The following SMC6 variants were observed in gnomAD, a reference collection of about 807,000 sequenced individuals.
SMC6 encodes structural maintenance of chromosomes 6.
In SMC6, 79 loss-of-function variants were observed where a neutral mutation model predicts 142.2. The ratio of observed to expected loss-of-function variants is 0.56; its 90% confidence interval spans 0.46 to 0.67. The LOEUF (loss-of-function observed/expected upper bound fraction) is 0.67, where lower values mean the gene tolerates loss of function less well. Ranked by LOEUF, SMC6 falls within the 30% of genes least tolerant of loss-of-function variation. The pLI is 0.00. For synonymous variants in SMC6, 411 were observed against 412.4 expected, an observed-to-expected ratio of 1.00 and a Z score of 0.04; for missense variants, 1,072 against 1,284.0, an observed-to-expected ratio of 0.83 and a Z score of 2.52.
chr2:17,726,984 T>A (rs972602811), intron 7 of SMC6, among the ~76,000 whole-genome samples: 1 of 152,222 alleles, frequency 6.6e-6, no homozygotes, highest in African/African-American at 2.4e-5. Flanking sequence ...ACAACAAGTA[T>A]TGTCTATTTT....
intron 26 of SMC6, among the ~76,000 whole-genome samples, chr2:17,667,149 A>T (rs1461962341): frequency 6.6e-6 from 1 of 152,270 alleles, no homozygotes; most frequent in African/African-American, 2.4e-5. Flanking sequence ...TAGAGAATAA[A>T]TCTAATTTGT....
chr2:17,715,018 A>G lies in SMC6; in HGVS notation c.1573T>C (p.Ser525Pro). The stretch of plus-strand genomic sequence containing the variant: ...GCCTGCAGAAGCCCTTTTAAGCAAG[A>G]TTCAATAGCCAAAGCAAGTTCTGGG... Reference protein sequence around the residue: ...RDPELALAIESCLKGLLQAYC... With the variant: ...RDPELALAIEPCLKGLLQAYC... Residue 525 changes from serine (S) to proline (P), a missense_variant, in exon 16 of 28, where the codon TCT (serine) becomes CCT (proline). Transcript: ENST00000448223. The G allele has an allele frequency of 6.2e-7, 1 of 1,613,974 alleles. No homozygotes were observed. The highest frequency in any genetic ancestry group is 8.5e-7 in the Non-Finnish European group (1 of 1,179,924).
chr2:17,731,731 C>T lies in SMC6; in HGVS notation c.481+10G>A, dbSNP rs1669923010. The T allele has an allele frequency of 6.2e-7, 1 of 1,604,454 alleles. No homozygotes were observed. Among genetic ancestry groups the T allele is most frequent in the Admixed American group, 1.7e-5 (1 of 57,702 alleles). ...ATTTTATAAGAAATGAAAAGAGAATCAAAACAAACCTGTTGCACTTTTAAG... is the reference window on the plus strand; with the variant it reads ...ATTTTATAAGAAATGAAAAGAGAATTAAAACAAACCTGTTGCACTTTTAAG... On this transcript the variant is annotated intron_variant, in intron 6 of 27. Transcript: ENST00000448223.
chr2:17,678,318 T>C (rs1667089232), intron 25 of SMC6, among the ~76,000 whole-genome samples: 1 of 152,118 alleles, frequency 6.6e-6, no homozygotes, highest in Admixed American at 6.6e-5. Flanking sequence ...AACTTCCCAA[T>C]TATCACCCTA....
intron 18 of SMC6, among the ~76,000 whole-genome samples, chr2:17,705,254 T>A (rs906291574): frequency 6.6e-6 from 1 of 151,398 alleles, no homozygotes; most frequent in Non-Finnish European, 1.5e-5. Context: ...TGAGACCCTG[T>A]CTCAAAAAAA....
At chr2:17,716,359 C>A in intron 14 of SMC6, 95 bp from the exon 15 acceptor site, 6 of 1,171,466 alleles carry the variant, frequency 5.1e-6, no homozygotes, top group Non-Finnish European at 6.0e-6. Flanking sequence ...AGTGAACGAC[C>A]CAGCTAGCTA....
chr2:17,680,109 TA>T (rs1157327730), intron 24 of SMC6: 2 of 152,196 alleles, frequency 1.3e-5, no homozygotes, highest in Non-Finnish European at 2.9e-5. Flanking sequence ...ATGGGATGTC[TA>T]AAAGAGACTG....
chr2:17,748,752 G>A (rs915103106), intron 2 of SMC6, among the ~76,000 whole-genome samples: 1 of 152,046 alleles, frequency 6.6e-6, no homozygotes, highest in African/African-American at 2.4e-5. Context: ...TTACTTTTTG[G>A]TGTCCCCAAC....
chr2:17,713,936 T>C (rs1394198626), intron 16 of SMC6, among the ~76,000 whole-genome samples: 1 of 152,178 alleles, frequency 6.6e-6, no homozygotes, highest in Non-Finnish European at 1.5e-5. Context: ...CCTATTAACA[T>C]GAGTTAATTA....
chr2:17,716,076 A>G lies in SMC6; in HGVS notation c.1525+10T>C, dbSNP rs1335895053. On this transcript the variant is annotated intron_variant, in intron 15 of 27. Coordinates refer to ENST00000448223, the MANE Select transcript of SMC6 (RefSeq NM_001142286.2). ...AGTTTATTATAACCTCGCTAAATTA[A>G]GACAAATACCTAAAGGGCCTACAGG... 4.0e-6 allele frequency: 6 copies of G among 1,484,098 alleles called. No individual in the cohort carries two copies. The highest frequency in any genetic ancestry group is 5.4e-6 in the Non-Finnish European group (6 of 1,121,428). 91.9% of individuals were successfully genotyped at this position (1,484,098 alleles called of 1,614,324 possible). A position where few individuals can be genotyped will look rare whatever the true frequency, so the allele number is the denominator to read the frequency against.
At chr2:17,743,884 C>G (rs192360515) in intron 3 of SMC6, among the ~76,000 whole-genome samples, 2 of 152,104 alleles carry the variant, frequency 1.3e-5, no homozygotes, top group Non-Finnish European at 2.9e-5. Context: ...TAGTAATATA[C>G]GTTTAAGGTT....
chr2:17,730,005 A>G (rs2125042217), intron 7 of SMC6, among the ~76,000 whole-genome samples: 1 of 152,270 alleles, frequency 6.6e-6, no homozygotes, highest in East Asian at 1.9e-4. Context: ...TTTGATGGCA[A>G]GTCTTGGTGT....
intron 23 of SMC6, among the ~76,000 whole-genome samples, chr2:17,694,890 C>A (rs57350811): frequency 6.6e-6 from 1 of 152,124 alleles, no homozygotes; most frequent in Non-Finnish European, 1.5e-5. Context: ...TGAAGTTGAA[C>A]ATTTTCATGT....
chr2:17,688,811 A>G (rs527745927), intron 23 of SMC6, among the ~76,000 whole-genome samples: 1 of 152,358 alleles, frequency 6.6e-6, no homozygotes, highest in East Asian at 1.9e-4. Context: ...CAAAGTCCAT[A>G]TTGCAAAGGC....
rs922891802 is a variant in SMC6 at position 17,721,229 on chromosome 2, C to A, written c.759G>T (p.Glu253Asp). Reference protein sequence around the residue: ...RLTELKRQCVEKEERFQSIAG... With the variant: ...RLTELKRQCVDKEERFQSIAG... ...CAATACTTTGAAAACGTTCCTCTTTCTCTACACACTGGCGCTTTAGTTCAG... is the reference window on the plus strand; with the variant it reads ...CAATACTTTGAAAACGTTCCTCTTTATCTACACACTGGCGCTTTAGTTCAG... Residue 253 changes from glutamate (E) to aspartate (D), a missense_variant, in exon 10 of 28, where the codon GAG (glutamate) becomes GAT (aspartate). Transcript: ENST00000448223. 3 of 1,608,914 alleles carry A rather than the reference C, an allele frequency of 1.9e-6. No individual in the cohort carries two copies. Among genetic ancestry groups the A allele is most frequent in the Non-Finnish European group, 2.5e-6 (3 of 1,178,650 alleles).
At chr2:17,748,073 T>C (rs1283501361) in intron 2 of SMC6, among the ~76,000 whole-genome samples, 1 of 152,196 alleles carries the variant, frequency 6.6e-6, no homozygotes, top group African/African-American at 2.4e-5. Context: ...TACAGTGTCA[T>C]AAATTATAAG....
rs553663521 is a variant in SMC6, at chr2:17,695,185, T to C, written c.2645A>G (p.His882Arg). ...TTCCTCTCGATCTCCATGACTAGCA[T>C]GTTCTGCCTGTATCTTCTGCCTTAA... ...NRLRQKIQAE[H>R]ASHGDREEIM... is the part of the protein sequence containing the mutation. The change falls in exon 23 of 28, where the codon CAT (histidine) becomes CGT (arginine). Residue 882 changes from histidine (H) to arginine (R), a missense_variant. Physicochemically the swap from His to Arg is conservative, Grantham distance 29. This residue lies in a region of SMC6 where 994 missense variants were observed against 1,153.2 expected (regional missense o/e 0.86). Coordinates refer to ENST00000448223, the MANE Select transcript of SMC6 (RefSeq NM_001142286.2). 6 of 1,613,642 alleles carry C rather than the reference T, an allele frequency of 3.7e-6. No individual in the cohort carries two copies. In the South Asian group the frequency reaches 4.4e-5, roughly 12 times the overall value.
In SMC6 at chr2:17,731,156, T is replaced by C. The variant is rs1311319733; in HGVS notation, c.482-17A>G. ...CCACGGAGCCTAGTTATAAGAAACATATGAAATAACCAAACTGTTTCTAGG... is the reference window on the plus strand; with the variant it reads ...CCACGGAGCCTAGTTATAAGAAACACATGAAATAACCAAACTGTTTCTAGG... On this transcript the variant is annotated splice_polypyrimidine_tract_variant and intron_variant, in intron 6 of 27. Coordinates refer to ENST00000448223, the MANE Select transcript of SMC6 (RefSeq NM_001142286.2). The C allele has an allele frequency of 2.5e-6, 4 of 1,588,680 alleles. No individual in the cohort carries two copies. In the East Asian group the frequency reaches 9.0e-5, roughly 36 times the overall value.
At chr2:17,752,835 A>C (rs1408292616) in intron 2 of SMC6, 143 bp downstream of exon 2, 1 of 164,742 alleles carries the variant, frequency 6.1e-6, no homozygotes, top group Admixed American at 6.5e-5. Context: ...TCCTTTGAAT[A>C]TATATTACTG....
Sources: allele counts gnomAD v4.1 joint callset (sites outside exome capture counted in the v4.1 genomes callset), GRCh38; gene constraint gnomAD v4.1.1; regional missense constraint gnomAD v4.1.1; transcripts MANE v1.5; gene names NCBI Gene and HGNC (gene_info 2026-07-23, HGNC 2026-07-21).